Variants in MEGF11 observed in about 807,000 individuals in gnomAD.
The protein encoded by MEGF11 is multiple epidermal growth factor-like domains protein 11.
MEGF11 carries 126 observed loss-of-function variants against 146.6 expected under a neutral mutation model. The observed-to-expected ratio is 0.86, with a 90% CI of 0.74 to 1.00. The LOEUF (loss-of-function observed/expected upper bound fraction) is 1.00, where lower values mean the gene tolerates loss of function less well. Ranked by LOEUF, MEGF11 falls within the 50% of genes least tolerant of loss-of-function variation. The pLI, the probability that MEGF11 is intolerant of heterozygous loss-of-function variation, is 0.00. For missense variants in MEGF11, 1,509 were observed against 1,521.2 expected, an observed-to-expected ratio of 0.99 and a Z score of 0.13; for synonymous variants, 532 against 583.4, an observed-to-expected ratio of 0.91 and a Z score of 1.27.
intron 5 of MEGF11, among the ~76,000 whole-genome samples, chr15:66,065,930 G>A (rs536214592): frequency 6.6e-6 from 1 of 152,260 alleles, no homozygotes; most frequent in South Asian, 2.1e-4. Context: ...CTGGGGTGAG[G>A]GCTGTGCCTT....
chr15:66,020,750 T>C lies in MEGF11; in HGVS notation c.395-38262A>G, dbSNP rs1027365816. Among the ~76,000 whole-genome samples the C allele has an allele frequency of 3.3e-5, 5 of 152,096 alleles. 1 individual carries two copies. Among genetic ancestry groups the C allele is most frequent in the African/African-American group, 1.2e-4 (5 of 41,400 alleles). On this transcript the variant is annotated intron_variant, in intron 5 of 25. Coordinates refer to ENST00000395614, the MANE Select transcript of MEGF11 (RefSeq NM_001385028.1). ...GCTCACGCCTGTAATCCCAGCACTTTGGGAGGCCGAGGTAGGCGGATCACG... is the reference window on the plus strand; with the variant it reads ...GCTCACGCCTGTAATCCCAGCACTTCGGGAGGCCGAGGTAGGCGGATCACG...
chr15:65,913,441 T>C (rs2078880550), intron 20 of MEGF11: 2 of 517,212 alleles, frequency 3.9e-6, no homozygotes, highest in Admixed American at 6.3e-5. Flanking sequence ...GGAAAGTGAC[T>C]GGTTAGTGTG....
At chr15:66,011,704 C>T (rs1367753009) in intron 5 of MEGF11, among the ~76,000 whole-genome samples, 2 of 133,858 alleles carry the variant, frequency 1.5e-5, no homozygotes, top group Non-Finnish European at 3.2e-5. Context: ...TGAGAATGGA[C>T]CCCCAGGGAA....
At chr15:66,173,640 T>C (rs1236802622) in intron 1 of MEGF11, among the ~76,000 whole-genome samples, 4 of 152,172 alleles carry the variant, frequency 2.6e-5, no homozygotes, top group African/African-American at 4.8e-5. Flanking sequence ...ATTTAGTCAA[T>C]AAACTTCTAC....
intron 1 of MEGF11, among the ~76,000 whole-genome samples, chr15:66,237,919 A>T (rs1439917702): frequency 6.6e-6 from 1 of 152,204 alleles, no homozygotes; most frequent in Non-Finnish European, 1.5e-5. Context: ...TTATGTATTA[A>T]GTGTTTGAAG....
chr15:65,999,735 C>CA (rs2082303917), intron 5 of MEGF11, among the ~76,000 whole-genome samples: 1 of 152,198 alleles, frequency 6.6e-6, no homozygotes, highest in Admixed American at 6.5e-5. Flanking sequence ...CTCGGTACTA[C>CA]ATTTCAACAA....
At chr15:66,233,985 T>C (rs1024992690) in intron 1 of MEGF11, among the ~76,000 whole-genome samples, 3 of 146,672 alleles carry the variant, frequency 2.0e-5, no homozygotes, top group African/African-American at 7.6e-5. Context: ...TGTTTTGCTC[T>C]GTCACCCAGG....
intron 5 of MEGF11, among the ~76,000 whole-genome samples, chr15:66,017,100 G>A (rs1229845224): frequency 6.6e-6 from 1 of 152,206 alleles, no homozygotes; most frequent in African/African-American, 2.4e-5. Context: ...GCCCGGGTGA[G>A]TGCGATCGAT....
intron 1 of MEGF11, among the ~76,000 whole-genome samples, chr15:66,150,755 A>T (rs1417411894): frequency 6.6e-6 from 1 of 151,400 alleles, no homozygotes; most frequent in Non-Finnish European, 1.5e-5. Context: ...AAATGGGGAA[A>T]TTGAGGTCTA....
intron 5 of MEGF11, among the ~76,000 whole-genome samples, chr15:66,012,626 T>C (rs556477717): frequency 6.6e-6 from 1 of 152,380 alleles, no homozygotes; most frequent in South Asian, 2.1e-4. Context: ...CCTGTAGAGT[T>C]ATCCCACAGT....
At chr15:65,922,608 G>T in intron 14 of MEGF11, 136 bp from the exon 15 acceptor site, 2 of 1,350,468 alleles carry the variant, frequency 1.5e-6, no homozygotes, top group Non-Finnish European at 2.0e-6. Context: ...ATCCCTTTCT[G>T]CAGAGAAGAG....
chr15:65,924,448 C>T (rs1328073440), intron 13 of MEGF11, among the ~76,000 whole-genome samples: 2 of 151,654 alleles, frequency 1.3e-5, no homozygotes, highest in Non-Finnish European at 2.9e-5. Context: ...TACCCATTGA[C>T]AGGGGTCTCT....
At chr15:66,235,796 A>T (rs1195085704) in intron 1 of MEGF11, among the ~76,000 whole-genome samples, 1 of 151,868 alleles carries the variant, frequency 6.6e-6, no homozygotes, top group Non-Finnish European at 1.5e-5. Context: ...GCCAAATCCC[A>T]CCTCTTCCCC....
chr15:65,982,053 G>T lies in MEGF11; in HGVS notation c.641+189C>A, dbSNP rs1223878233. 2.6e-5 allele frequency among the ~76,000 whole-genome samples: 4 copies of T among 152,190 alleles called. No individual in the cohort carries two copies. Among genetic ancestry groups the T allele is most frequent in the Admixed American group, 2.0e-4 (3 of 15,286 alleles). On this transcript the variant is annotated intron_variant, in intron 6 of 25. Transcript: ENST00000395614. The surrounding 1 kb of genome is among the most constrained non-coding windows in gnomAD (Gnocchi z 5.6). Reference sequence around the variant, plus strand: ...GACTCACAGGAGATTTCACAGCCAAGACTATCCCTCCTGGTCCCACCACCC... The same window carrying T: ...GACTCACAGGAGATTTCACAGCCAATACTATCCCTCCTGGTCCCACCACCC...
In MEGF11 at chr15:66,096,835, G is replaced by A. The variant is rs111904627; in HGVS notation, c.302-2341C>T. ...CCAAGCTGGGGGGGAACAGCCTTCCGGTGCTCTGAGCAAGCTCCACACTGC... is the reference window on the plus strand; with the variant it reads ...CCAAGCTGGGGGGGAACAGCCTTCCAGTGCTCTGAGCAAGCTCCACACTGC... On this transcript the variant is annotated intron_variant, in intron 4 of 25. Coordinates refer to ENST00000395614, the MANE Select transcript of MEGF11 (RefSeq NM_001385028.1). 6.9e-3 allele frequency among the ~76,000 whole-genome samples: 1,049 copies of A among 152,212 alleles called. 10 individuals carry two copies. Among genetic ancestry groups the A allele is most frequent in the African/African-American group, 0.024 (1,008 of 41,522 alleles).
At chr15:66,152,945 A>G (rs1597124104) in intron 1 of MEGF11, among the ~76,000 whole-genome samples, 1 of 152,218 alleles carries the variant, frequency 6.6e-6, no homozygotes, top group East Asian at 1.9e-4. Context: ...CCTTGTGTGT[A>G]CTGCCATGCC....
rs562214659 is a variant in MEGF11, at chr15:66,182,324, C to T, written c.-8-53913G>A. Among the ~76,000 whole-genome samples the T allele has an allele frequency of 1.4e-3, 211 of 152,290 alleles. 1 individual carries two copies. Among genetic ancestry groups the T allele is most frequent in the African/African-American group, 4.8e-3 (198 of 41,564 alleles). ...TAAGCAGGAATGGCAGATAGAACCA[C>T]GGTGTGTGGGTGTTTGATCCTCGGG... is the stretch of plus-strand genomic sequence containing the variant. On this transcript the variant is annotated intron_variant, in intron 1 of 25. Transcript: ENST00000395614.
Position 65,918,007 on chromosome 15 carries a change from C to T in MEGF11, c.2045G>A (p.Cys682Tyr), listed in dbSNP as rs1427245591. 1 of 1,614,018 alleles carries T rather than the reference C, an allele frequency of 6.2e-7. No individual in the cohort carries two copies. Among genetic ancestry groups the T allele is most frequent in the South Asian group, 1.1e-5 (1 of 91,084 alleles). ...GCCAATCCATCCAGGAAAGCACTGG[C>T]AGGAGCCATCGATAGGGCTGCAGGT... ...NGTCSPIDGSCQCFPGWIGKD... is the reference protein window; with the variant it reads ...NGTCSPIDGSYQCFPGWIGKD... Residue 682 changes from cysteine (C) to tyrosine (Y), a missense_variant, in exon 16 of 26, where the codon TGC becomes TAC. By Grantham distance (194) the Cys-to-Tyr change is radical. Coordinates refer to ENST00000395614, the MANE Select transcript of MEGF11 (RefSeq NM_001385028.1).
intron 1 of MEGF11, among the ~76,000 whole-genome samples, chr15:66,192,164 AT>A (rs2090899706): frequency 6.6e-6 from 1 of 152,032 alleles, no homozygotes; most frequent in African/African-American, 2.4e-5. Context: ...TGAACAAGGC[AT>A]TATGCTGAAA....
Sources: gnomAD v4.1 joint callset for allele counts (sites outside exome capture counted in the v4.1 genomes callset) on GRCh38, gnomAD v4.1.1 for gene constraint, Gnocchi (gnomAD v3.1) non-coding constraint, MANE v1.5 for transcripts, NCBI Gene and HGNC (gene_info 2026-07-23, HGNC 2026-07-21) for gene names.